Variants in ARID2 observed in about 807,000 individuals in gnomAD.
ARID2 encodes AT-rich interactive domain-containing protein 2.
Under a neutral mutation model 184.6 loss-of-function variants are expected in ARID2, and 32 were observed. That is an observed-to-expected ratio of 0.17 (90% CI 0.13 to 0.23). The LOEUF (loss-of-function observed/expected upper bound fraction) is 0.23. Among genes scored for constraint, ARID2 ranks in the 10% least tolerant of loss-of-function variants. The probability of loss-of-function intolerance (pLI) is 1.00; values close to 1 mark genes in which losing one functional copy is unlikely to be tolerated. For missense variants in ARID2, 1,696 were observed against 2,197.6 expected, an observed-to-expected ratio of 0.77 and a Z score of 4.56; for synonymous variants, 836 against 772.6, an observed-to-expected ratio of 1.08 and a Z score of -1.36.
At chr12:45,899,543 T>C (rs1592148613) in intron 20 of ARID2, among the ~76,000 whole-genome samples, 1 of 149,790 alleles carries the variant, frequency 6.7e-6, no homozygotes, top group East Asian at 1.9e-4. Flanking sequence ...GAGGCGGAGC[T>C]TGCAGTGAAC....
In ARID2 at chr12:45,731,202, C is replaced by T. The variant is rs2137962460; in HGVS notation, c.187-15C>T. 3 of 1,570,138 alleles carry T rather than the reference C, an allele frequency of 1.9e-6. No homozygotes were observed. Among genetic ancestry groups the T allele is most frequent in the East Asian group, 2.2e-5 (1 of 44,660 alleles). On this transcript the variant is annotated splice_polypyrimidine_tract_variant and intron_variant, in intron 2 of 20. Coordinates refer to ENST00000334344, the MANE Select transcript of ARID2 (RefSeq NM_152641.4). ...GATTGTTCACGTTCAGACAACTGTG[C>T]CTGTGTTTTACCAGGTTTCTGAGAA...
chr12:45,863,927 C>T (rs1453186336), intron 16 of ARID2, among the ~76,000 whole-genome samples: 2 of 146,690 alleles, frequency 1.4e-5, no homozygotes, highest in African/African-American at 2.6e-5. Flanking sequence ...TTGATCTTGG[C>T]TCATTGCAAC....
rs1327439079 is a variant in ARID2, at chr12:45,839,427, A to G, written c.1429A>G (p.Met477Val). ...TGAACACCCAAGTTCCAGTCATCAA[A>G]TGTTATCTGAAATTAGGCCACAAGC... is the stretch of plus-strand genomic sequence containing the variant. ...LIEHPSSSHQMLSEIRPQAIE... is the reference protein window; with the variant it reads ...LIEHPSSSHQVLSEIRPQAIE... The change falls in exon 11 of 21, where the codon ATG (methionine) becomes GTG (valine). Residue 477 changes from methionine (M) to valine (V), a missense_variant. Around this residue, in one of 11 missense-constraint regions of ARID2, gnomAD observed 713 missense variants for 824.4 expected, o/e 0.86. Coordinates refer to ENST00000334344, the MANE Select transcript of ARID2 (RefSeq NM_152641.4). 1.2e-6 allele frequency: 2 copies of G among 1,614,032 alleles called. No homozygotes were observed. Among genetic ancestry groups the G allele is most frequent in the African/African-American group, 2.7e-5 (2 of 74,938 alleles).
At chr12:45,793,495 A>G (rs181049893) in intron 3 of ARID2, among the ~76,000 whole-genome samples, 1 of 152,060 alleles carries the variant, frequency 6.6e-6, no homozygotes, top group Non-Finnish European at 1.5e-5. Context: ...TGAAAGACCT[A>G]ATTGAAAGAC....
intron 3 of ARID2, among the ~76,000 whole-genome samples, chr12:45,808,658 G>A (rs1353281937): frequency 1.3e-5 from 2 of 151,932 alleles, no homozygotes; most frequent in African/African-American, 2.4e-5. Flanking sequence ...TGGGAGGGAC[G>A]AGTTCCTGTT....
chr12:45,811,476 C>T lies in ARID2; in HGVS notation c.343C>T (p.Pro115Ser), dbSNP rs1028736703. ...TGGGGAGGATGATGATGAGGTACCA[C>T]CAGGCAATCCAAAGCCACAGCTTCC... Reference protein sequence around the residue: ...HFGEDDDEVPPGNPKPQLPIG... With the variant: ...HFGEDDDEVPSGNPKPQLPIG... The change falls in exon 4 of 21, where the codon CCA (proline) becomes TCA (serine). Residue 115 changes from proline (P) to serine (S), a missense_variant. Coordinates refer to ENST00000334344, the MANE Select transcript of ARID2 (RefSeq NM_152641.4). 1 of 1,613,710 alleles carries T rather than the reference C, an allele frequency of 6.2e-7. No homozygotes were observed. Among genetic ancestry groups the T allele is most frequent in the African/African-American group, 1.3e-5 (1 of 75,010 alleles).
intron 16 of ARID2, among the ~76,000 whole-genome samples, chr12:45,866,513 T>G (rs1215367869): frequency 3.3e-5 from 5 of 152,200 alleles, no homozygotes; most frequent in Admixed American, 6.5e-5. Flanking sequence ...GTCAGGGGAT[T>G]TACATGTTTT....
At chr12:45,840,914 A>G (rs1184574801) in intron 11 of ARID2, 1 of 152,234 alleles carries the variant, frequency 6.6e-6, no homozygotes, top group African/African-American at 2.4e-5. Flanking sequence ...TGGACAAATA[A>G]CAGAAGGCAC....
chr12:45,824,715 C>T (rs966065100), intron 6 of ARID2, among the ~76,000 whole-genome samples: 4 of 151,774 alleles, frequency 2.6e-5, no homozygotes, highest in African/African-American at 9.7e-5. Context: ...AACGGTATCC[C>T]ACTACTGGGT....
At chr12:45,819,946 G>C (rs1942869419) in intron 5 of ARID2, among the ~76,000 whole-genome samples, 1 of 151,990 alleles carries the variant, frequency 6.6e-6, no homozygotes, top group Non-Finnish European at 1.5e-5. Context: ...GTTTCCTCAT[G>C]TTGGCCAGGC....
At chr12:45,775,163 G>T (rs1941951662) in intron 3 of ARID2, among the ~76,000 whole-genome samples, 1 of 152,196 alleles carries the variant, frequency 6.6e-6, no homozygotes, top group South Asian at 2.1e-4. Context: ...GAGGGAAAAT[G>T]ATGCTTTCTT....
Position 45,837,780 on chromosome 12 carries a change from T to C in ARID2, c.1330+73T>C, listed in dbSNP as rs1362170067. 27 of 1,345,658 alleles carry C rather than the reference T, an allele frequency of 2.0e-5. No individual in the cohort carries two copies. In the East Asian group the frequency reaches 6.0e-4, roughly 30 times the overall value. 83.4% of individuals were successfully genotyped at this position (1,345,658 alleles called of 1,614,324 possible). A position where few individuals can be genotyped will look rare whatever the true frequency, so the allele number is the denominator to read the frequency against. On this transcript the variant is annotated intron_variant, in intron 10 of 20. Coordinates refer to ENST00000334344, the MANE Select transcript of ARID2 (RefSeq NM_152641.4). ...TTTAATATGGTACTGTACAAAACCC[T>C]CAATTTATATTTGAGGTTTAGTGTT...
intron 16 of ARID2, among the ~76,000 whole-genome samples, chr12:45,879,130 T>C (rs1016615331): frequency 1.3e-5 from 2 of 152,332 alleles, no homozygotes; most frequent in Non-Finnish European, 2.9e-5. Context: ...AATCTTATGA[T>C]TAAATCTCAC....
intron 15 of ARID2, among the ~76,000 whole-genome samples, chr12:45,854,660 A>G (rs1943612725): frequency 6.6e-6 from 1 of 152,174 alleles, no homozygotes; most frequent in Admixed American, 6.5e-5. Flanking sequence ...AATAGTTATA[A>G]CAGACCAAGC....
chr12:45,735,419 G>T (rs1208857048), intron 3 of ARID2, among the ~76,000 whole-genome samples: 1 of 7,094 alleles, frequency 1.4e-4, no homozygotes, highest in Non-Finnish European at 3.2e-4. Flanking sequence ...AAACTGTATC[G>T]TGTGTGTGTG....
chr12:45,897,412 C>A (rs1042594041), intron 20 of ARID2, among the ~76,000 whole-genome samples: 5 of 152,166 alleles, frequency 3.3e-5, no homozygotes, highest in African/African-American at 9.7e-5. Context: ...AAATTTGAAG[C>A]TTGTACATCA....
At chr12:45,783,788 C>T (rs1051099888) in intron 3 of ARID2, among the ~76,000 whole-genome samples, 1 of 152,160 alleles carries the variant, frequency 6.6e-6, no homozygotes, top group African/African-American at 2.4e-5. Flanking sequence ...AAATTGTGAA[C>T]CATTGGCTAA....
Position 45,849,754 on chromosome 12 carries a change from A to G in ARID2, c.1890A>G (p.Val630=), listed in dbSNP as rs550250384. The change falls in exon 14 of 21, where the codon GTA becomes GTG. Residue 630 remains valine (V), a synonymous_variant. Transcript: ENST00000334344. ...TTCGTGTTGATTCTGTTCCTGATGT[A>G]TCTCCTGCTCCTTCACCTGCAGGTG... is the stretch of plus-strand genomic sequence containing the variant. ...SVVRVDSVPD[V]SPAPSPAGIP... 6.2e-7 allele frequency: 1 copy of G among 1,612,982 alleles called. No homozygotes were observed. Among genetic ancestry groups the G allele is most frequent in the East Asian group, 2.2e-5 (1 of 44,862 alleles).
intron 11 of ARID2, among the ~76,000 whole-genome samples, chr12:45,846,282 A>G (rs1943438452): frequency 6.6e-6 from 1 of 152,104 alleles, no homozygotes; most frequent in South Asian, 2.1e-4. Flanking sequence ...CCTTTTTTGA[A>G]TATGGGACTT....
Sources: gnomAD v4.1 joint callset for allele counts (sites outside exome capture counted in the v4.1 genomes callset) on GRCh38, gnomAD v4.1.1 for gene constraint, gnomAD v4.1.1 regional missense constraint, MANE v1.5 for transcripts, NCBI Gene and HGNC (gene_info 2026-07-23, HGNC 2026-07-21) for gene names.